The following SGIP1 variants were observed in gnomAD, a reference collection of about 807,000 sequenced individuals.
SGIP1 encodes the protein SH3GL interacting endocytic adaptor 1.
In SGIP1, 38 loss-of-function variants were observed where a neutral mutation model predicts 107.5. The ratio of observed to expected loss-of-function variants is 0.35; its 90% CI spans 0.27 to 0.46. The LOEUF (loss-of-function observed/expected upper bound fraction) is 0.46, where lower values mean the gene tolerates loss of function less well. Ranked by LOEUF, SGIP1 falls within the 20% of genes least tolerant of loss-of-function variation. The pLI is 1.00. For synonymous variants in SGIP1, 365 were observed against 366.1 expected (o/e 1.00, Z 0.03); for missense variants, 929 against 1,019.5 (o/e 0.91, Z 1.21).
At chr1:66,695,518 T>A in intron 18 of SGIP1, 25 bp downstream of exon 18, 1 of 1,608,128 alleles carries the variant, frequency 6.2e-7, no homozygotes, top group South Asian at 1.1e-5. Context: ...GCATACCAGA[T>A]TCTAATTTAT....
chr1:66,576,697 CCTT>C (rs1278206984), intron 1 of SGIP1, among the ~76,000 whole-genome samples: 2 of 152,146 alleles, frequency 1.3e-5, no homozygotes, highest in African/African-American at 4.8e-5. Context: ...CTTTTCTTCT[CCTT>C]CTCCTCTTCC....
intron 18 of SGIP1, among the ~76,000 whole-genome samples, chr1:66,696,135 T>A (rs1341553215): frequency 6.6e-6 from 1 of 152,208 alleles, no homozygotes; most frequent in Non-Finnish European, 1.5e-5. Context: ...ATAAATATAA[T>A]GTCAAATATC....
intron 15 of SGIP1, among the ~76,000 whole-genome samples, chr1:66,686,914 A>G (rs1217550802): frequency 2.6e-5 from 4 of 152,230 alleles, no homozygotes; most frequent in Non-Finnish European, 2.9e-5. Context: ...AGCATTTTAT[A>G]TAGTCAACAT....
chr1:66,540,360 G>C (rs1250268737), intron 1 of SGIP1, among the ~76,000 whole-genome samples: 1 of 152,162 alleles, frequency 6.6e-6, no homozygotes, highest in East Asian at 1.9e-4. Context: ...AGAATTCCCA[G>C]AGTCAGTTTT....
chr1:66,564,816 G>T (rs548210784), intron 1 of SGIP1, among the ~76,000 whole-genome samples: 1 of 152,022 alleles, frequency 6.6e-6, no homozygotes, highest in East Asian at 1.9e-4. Context: ...TCCCAAGGAG[G>T]AATTTACAGG....
chr1:66,702,237 T>A (rs1335301627), intron 18 of SGIP1, among the ~76,000 whole-genome samples: 2 of 152,200 alleles, frequency 1.3e-5, no homozygotes, highest in African/African-American at 4.8e-5. Flanking sequence ...AGCTAGTTGG[T>A]GGTTAAATCA....
At chr1:66,724,315 T>G (rs1184633818) in intron 19 of SGIP1, among the ~76,000 whole-genome samples, 1 of 152,244 alleles carries the variant, frequency 6.6e-6, no homozygotes, top group Non-Finnish European at 1.5e-5. Context: ...AGTAAGCATC[T>G]ATTCATATTT....
At chr1:66,554,188 A>C (rs1424179632) in intron 1 of SGIP1, among the ~76,000 whole-genome samples, 1 of 152,150 alleles carries the variant, frequency 6.6e-6, no homozygotes, top group Non-Finnish European at 1.5e-5. Flanking sequence ...CCCATGAGTC[A>C]ATACAATTTC....
chr1:66,610,059 A>G (rs2067650619), intron 1 of SGIP1, among the ~76,000 whole-genome samples: 1 of 152,212 alleles, frequency 6.6e-6, no homozygotes, highest in South Asian at 2.1e-4. Flanking sequence ...TTTCAGCTAA[A>G]AAGTTATTAG....
rs925351930 is a variant in SGIP1 at position 66,739,518 on chromosome 1, G to A, written c.2215G>A (p.Val739Met). 8 of 1,613,824 alleles carry A rather than the reference G, an allele frequency of 5.0e-6. No individual in the cohort carries two copies. The highest frequency in any genetic ancestry group is 6.8e-6 in the Non-Finnish European group (8 of 1,180,022). The change falls in exon 22 of 25, where the codon GTG becomes ATG. Residue 739 changes from valine (V) to methionine (M), a missense_variant. Transcript: ENST00000371037. ...IDGGVTKLQA[V>M]LPPAVWNAEQ... ...CGGAGGAGTCACCAAGCTCCAGGCA[G>A]TGCTCCCACCAGCAGTCTGGTATGA...
At chr1:66,574,826 G>A (rs542677878) in intron 1 of SGIP1, among the ~76,000 whole-genome samples, 7 of 151,602 alleles carry the variant, frequency 4.6e-5, no homozygotes, top group Non-Finnish European at 7.4e-5. Context: ...GTATATGTGT[G>A]TATATAGTTG....
chr1:66,591,481 T>A (rs938490694), intron 1 of SGIP1, among the ~76,000 whole-genome samples: 2 of 152,182 alleles, frequency 1.3e-5, no homozygotes, highest in African/African-American at 4.8e-5. Context: ...ACAGCAAAAT[T>A]GAGCATAAAG....
chr1:66,589,325 A>G (rs1250019197), intron 1 of SGIP1, among the ~76,000 whole-genome samples: 1 of 149,342 alleles, frequency 6.7e-6, no homozygotes, highest in Non-Finnish European at 1.5e-5. Context: ...AGACCTGCCT[A>G]TTTTAGACTT....
intron 2 of SGIP1, among the ~76,000 whole-genome samples, chr1:66,631,099 GA>G (rs111505638): frequency 0.034 from 4,527 of 133,872 alleles, 156 homozygotes; most frequent in East Asian, 0.093. Context: ...AAGAAAGAAA[GA>G]AAAAAAGAAA....
intron 17 of SGIP1, among the ~76,000 whole-genome samples, chr1:66,692,425 G>A (rs772362637): frequency 1.6e-4 from 24 of 152,092 alleles, no homozygotes; most frequent in Non-Finnish European, 3.2e-4. Context: ...CCATCTTCCT[G>A]CTGAATTCCT....
At chr1:66,630,253 A>G (rs1275737662) in intron 2 of SGIP1, among the ~76,000 whole-genome samples, 1 of 152,156 alleles carries the variant, frequency 6.6e-6, no homozygotes, top group Non-Finnish European at 1.5e-5. Flanking sequence ...CCCATTTAAG[A>G]TCCCCTACTG....
At chr1:66,636,769 G>T (rs1424592763) in intron 4 of SGIP1, among the ~76,000 whole-genome samples, 1 of 152,098 alleles carries the variant, frequency 6.6e-6, no homozygotes, top group African/African-American at 2.4e-5. Flanking sequence ...CCCACCCAAG[G>T]ATCATTACCT....
intron 1 of SGIP1, among the ~76,000 whole-genome samples, chr1:66,591,606 C>T (rs1017316256): frequency 2.6e-5 from 4 of 152,262 alleles, no homozygotes; most frequent in South Asian, 2.1e-4. Context: ...GGGTGTTTCT[C>T]GTCAGGTGGG....
At chr1:66,742,617 C>T (rs1342211645) in intron 24 of SGIP1, among the ~76,000 whole-genome samples, 2 of 149,782 alleles carry the variant, frequency 1.3e-5, no homozygotes, top group East Asian at 1.9e-4. Context: ...CTACAGGCGC[C>T]CACCACCACG....
Sources: allele counts gnomAD v4.1 joint callset (sites outside exome capture counted in the v4.1 genomes callset), GRCh38; gene constraint gnomAD v4.1.1; transcripts MANE v1.5; gene names NCBI Gene and HGNC (gene_info 2026-07-23, HGNC 2026-07-21).